TTLL6: variants seen among roughly 807,000 people sequenced by gnomAD.
TTLL6 encodes tubulin polyglutamylase TTLL6.
In TTLL6, 75 loss-of-function variants were observed where a neutral mutation model predicts 96.4. The observed-to-expected ratio is 0.78, with a 90% CI of 0.65 to 0.94. The LOEUF (loss-of-function observed/expected upper bound fraction) is 0.94. TTLL6 is among the 40% of genes least tolerant of loss of function. TTLL6 has a pLI of 0.00. For missense variants in TTLL6, 1,030 were observed against 1,093.0 expected (o/e 0.94, Z 0.81); for synonymous variants, 411 against 419.4 (o/e 0.98, Z 0.24).
intron 13 of TTLL6, among the ~76,000 whole-genome samples, chr17:48,779,775 A>G (rs1230152444): frequency 6.6e-6 from 1 of 152,226 alleles, no homozygotes; most frequent in Non-Finnish European, 1.5e-5. Context: ...TATCTCAGAG[A>G]TATGGTACTG....
In TTLL6 at chr17:48,805,005, A is replaced by G; in HGVS notation, c.104-14T>C. ...AATACCAGGCCCCTAGAGAGAGGGCAGAGGGAGCCGCAGTTACAGAGATCC... is the reference window on the plus strand; with the variant it reads ...AATACCAGGCCCCTAGAGAGAGGGCGGAGGGAGCCGCAGTTACAGAGATCC... On this transcript the variant is annotated splice_polypyrimidine_tract_variant and intron_variant, in intron 1 of 15. Coordinates refer to ENST00000393382, the MANE Select transcript of TTLL6 (RefSeq NM_001130918.3). 1 of 1,545,202 alleles carries G rather than the reference A, an allele frequency of 6.5e-7. No homozygotes were observed. The highest frequency in any genetic ancestry group is 8.8e-7 in the Non-Finnish European group (1 of 1,141,586).
At position 48,804,798 on chromosome 17, in the gene TTLL6, T is replaced by A; in HGVS notation, c.297A>T (p.Gln99His). Residue 99 changes from glutamine (Q) to histidine (H), a missense_variant, in exon 2 of 16, where the codon CAA (glutamine) becomes CAT (histidine). Coordinates refer to ENST00000393382, the MANE Select transcript of TTLL6 (RefSeq NM_001130918.3). ...AQNGLQNAQQ[Q>H]GKKKRKKKRL... Reference sequence around the variant, plus strand: ...TCTTTTTCTTCCTCTTCTTCTTGCCTTGCTGCTGGGCATTCTGAAGTCCGT... The same window carrying A: ...TCTTTTTCTTCCTCTTCTTCTTGCCATGCTGCTGGGCATTCTGAAGTCCGT... 1 of 1,552,374 alleles carries A rather than the reference T, an allele frequency of 6.4e-7. No individual in the cohort carries two copies. The highest frequency in any genetic ancestry group is 1.2e-5 in the South Asian group (1 of 84,062).
At position 48,769,069 on chromosome 17, in the gene TTLL6, T is replaced by C; in HGVS notation, c.2596A>G (p.Met866Val). The change falls in exon 15 of 16, where the codon ATG becomes GTG. Residue 866 changes from methionine to valine, a missense_variant. Coordinates refer to ENST00000393382, the MANE Select transcript of TTLL6 (RefSeq NM_001130918.3). ...PRPCRSHASA[M>V]RDPCMQDQEA... ...TGATCCTGCATACATGGGTCCCTCA[T>C]AGCACTTGCGTGGCTTCTACAAGGC... The C allele has an allele frequency of 6.2e-7, 1 of 1,614,178 alleles. No individual in the cohort carries two copies. Among genetic ancestry groups the C allele is most frequent in the Non-Finnish European group, 8.5e-7 (1 of 1,180,006 alleles).
chr17:48,812,683 G>C (rs193245789), intron 1 of TTLL6, among the ~76,000 whole-genome samples: 8 of 152,340 alleles, frequency 5.3e-5, no homozygotes, highest in Non-Finnish European at 8.8e-5. Context: ...AAGAGGCTGT[G>C]TCTCTGCATT....
intron 1 of TTLL6, among the ~76,000 whole-genome samples, chr17:48,807,228 C>T (rs2039518455): frequency 6.6e-6 from 1 of 151,258 alleles, no homozygotes; most frequent in Non-Finnish European, 1.5e-5. Flanking sequence ...GCTGGGATTA[C>T]TACAGGCATA....
At chr17:48,794,604 G>A (rs910979602) in intron 8 of TTLL6, among the ~76,000 whole-genome samples, 10 of 152,212 alleles carry the variant, frequency 6.6e-5, no homozygotes, top group African/African-American at 2.4e-4. Flanking sequence ...GGGGAGGAGA[G>A]GAGGAAGTCG....
At chr17:48,796,537 T>C (rs2039319449) in intron 7 of TTLL6, among the ~76,000 whole-genome samples, 1 of 151,480 alleles carries the variant, frequency 6.6e-6, no homozygotes, top group Non-Finnish European at 1.5e-5. Context: ...GAGACTCGCT[T>C]GAACCCAGGA....
At chr17:48,810,874 A>G (rs1460124650) in intron 1 of TTLL6, among the ~76,000 whole-genome samples, 2 of 138,548 alleles carry the variant, frequency 1.4e-5, no homozygotes, top group African/African-American at 5.2e-5. Context: ...GTGTATATAT[A>G]TGTAGTTGCC....
chr17:48,789,460 A>C (rs943230885), intron 10 of TTLL6, among the ~76,000 whole-genome samples: 5 of 152,184 alleles, frequency 3.3e-5, no homozygotes, highest in African/African-American at 1.2e-4. Flanking sequence ...TCATAGCTCC[A>C]TTTCATAGAA....
At chr17:48,776,614 C>T (rs184492088) in intron 13 of TTLL6, among the ~76,000 whole-genome samples, 1 of 152,160 alleles carries the variant, frequency 6.6e-6, no homozygotes, top group Non-Finnish European at 1.5e-5. Flanking sequence ...ACAAAAGGTG[C>T]AAAATGTCTA....
chr17:48,785,210 G>A lies in TTLL6; in HGVS notation c.1762-9C>T. 6.2e-7 allele frequency: 1 copy of A among 1,614,026 alleles called. No homozygotes were observed. The highest frequency in any genetic ancestry group is 8.5e-7 in the Non-Finnish European group (1 of 1,180,028). On this transcript the variant is annotated splice_polypyrimidine_tract_variant and intron_variant, in intron 12 of 15. Coordinates refer to ENST00000393382, the MANE Select transcript of TTLL6 (RefSeq NM_001130918.3). ...GTCAATGGCTGGATGTACTGAGGGA[G>A]GAAGAAACCACAACACACAGCCATG... is the stretch of plus-strand genomic sequence containing the variant.
intron 1 of TTLL6, among the ~76,000 whole-genome samples, chr17:48,808,411 T>G (rs2039535704): frequency 6.6e-6 from 1 of 150,418 alleles, no homozygotes; most frequent in South Asian, 2.2e-4. Flanking sequence ...CGTGCATAGA[T>G]ATATGTTGCT....
At chr17:48,772,603 C>CTGG (rs1300609129) in intron 13 of TTLL6, among the ~76,000 whole-genome samples, 1 of 151,764 alleles carries the variant, frequency 6.6e-6, no homozygotes, top group Non-Finnish European at 1.5e-5. Context: ...TGGTGGCACG[C>CTGG]GCCTGTAGTC....
Position 48,804,827 on chromosome 17 carries a change from G to T in TTLL6, c.268C>A (p.Gln90Lys). The change falls in exon 2 of 16, where the codon CAA becomes AAA. Residue 90 changes from glutamine to lysine, a missense_variant. Transcript: ENST00000393382. The part of the protein sequence containing the change: ...LAFVRENPGA[Q>K]NGLQNAQQQG... ...TGCTGGGCATTCTGAAGTCCGTTTTGTGCCCCTGGGTTCTCTCTCACAAAA... is the reference window on the plus strand; with the variant it reads ...TGCTGGGCATTCTGAAGTCCGTTTTTTGCCCCTGGGTTCTCTCTCACAAAA... 6.4e-7 allele frequency: 1 copy of T among 1,552,216 alleles called. No homozygotes were observed.
chr17:48,789,905 C>G (rs754788316), intron 10 of TTLL6, 26 bp downstream of exon 10: 1 of 1,610,638 alleles, frequency 6.2e-7, no homozygotes, highest in Non-Finnish European at 8.5e-7. Context: ...GAGAGAGCCC[C>G]GCAAGGCTGG....
chr17:48,801,527 G>A lies in TTLL6; in HGVS notation c.478C>T (p.Gln160Ter), dbSNP rs773600749. 1.3e-6 allele frequency: 2 copies of A among 1,551,840 alleles called. No individual in the cohort carries two copies. Among genetic ancestry groups the A allele is most frequent in the Non-Finnish European group, 1.7e-6 (2 of 1,146,970 alleles). Residue 160 changes from glutamine (Q) to a stop codon, truncating the protein, a stop_gained and splice_region_variant, in exon 4 of 16, where the codon CAG becomes TAG. Transcript: ENST00000393382. LOFTEE classifies it high-confidence loss of function. ...LERVMEMKSYQKINHFPGMSE... is the reference protein window; with the variant it reads ...LERVMEMKSY The stretch of plus-strand genomic sequence containing the variant: ...AGGACCATCACTAGCCCAAATACCT[G>A]GTAACTTTTCATTTCCATCACCCGC...
intron 13 of TTLL6, 77 bp downstream of exon 13, chr17:48,784,846 C>T: frequency 7.5e-7 from 1 of 1,325,984 alleles, no homozygotes; most frequent in Non-Finnish European, 1.1e-6. Flanking sequence ...CAAAGGGTCA[C>T]AGCAAGTTGG....
chr17:48,781,715 C>T (rs1438373111), intron 13 of TTLL6, among the ~76,000 whole-genome samples: 1 of 152,180 alleles, frequency 6.6e-6, no homozygotes, highest in Non-Finnish European at 1.5e-5. Flanking sequence ...GGTGTGAATG[C>T]TGATGTCCCC....
chr17:48,817,197 T>G lies in TTLL6; in HGVS notation c.-125A>C. The G allele has an allele frequency of 1.7e-6, 1 of 592,320 alleles. No individual in the cohort carries two copies. The highest frequency in any genetic ancestry group is 2.7e-6 in the Non-Finnish European group (1 of 366,316). The allele number at this position is 592,320 out of a possible 1,614,324, so 36.7% of individuals were successfully genotyped here. A position where few individuals can be genotyped will look rare whatever the true frequency, so the allele number is the denominator to read the frequency against. ...CCCCTGCAGTAGCTGCCATGCCCCC[T>G]CCCTCCCGAATCCAATTAACCGCCC... On this transcript the variant is annotated 5_prime_UTR_variant, in exon 1 of 16. Transcript: ENST00000393382.
Sources: gnomAD v4.1 joint callset for allele counts (sites outside exome capture counted in the v4.1 genomes callset) on GRCh38, gnomAD v4.1.1 for gene constraint, MANE v1.5 for transcripts, NCBI Gene and HGNC (gene_info 2026-07-23, HGNC 2026-07-21) for gene names.